Variants in FIG4 observed in about 807,000 individuals in gnomAD.
FIG4 encodes the protein polyphosphoinositide phosphatase.
Under a neutral mutation model 118.6 loss-of-function variants are expected in FIG4, and 112 were observed. The observed-to-expected ratio is 0.94, with a 90% CI of 0.81 to 1.11. The LOEUF is 1.11. Ranked by LOEUF, FIG4 falls within the 50% of genes least tolerant of loss-of-function variation. The pLI is 0.00. For missense variants in FIG4, 969 were observed against 1,111.7 expected (o/e 0.87, Z 1.83); for synonymous variants, 369 against 381.2 (o/e 0.97, Z 0.37).
intron 1 of FIG4, chr6:109,701,781 A>AG (rs1774916507): frequency 2.1e-6 from 1 of 470,946 alleles, no homozygotes; most frequent in Admixed American, 2.4e-5. Flanking sequence ...AATGGGAGAG[A>AG]GCAATATAGG....
chr6:109,809,517 T>C (rs2128400268), intron 22 of FIG4, among the ~76,000 whole-genome samples: 1 of 152,202 alleles, frequency 6.6e-6, no homozygotes, highest in East Asian at 1.9e-4. Context: ...CTTTTAAGAG[T>C]GTGAAGGGAT....
intron 15 of FIG4, among the ~76,000 whole-genome samples, chr6:109,771,856 A>C (rs1242059676): frequency 6.6e-6 from 1 of 152,104 alleles, no homozygotes; most frequent in Non-Finnish European, 1.5e-5. Context: ...TTGTTGCTGT[A>C]CATCATCAGT....
In FIG4 at chr6:109,691,373, C is replaced by G. The variant is rs1334673102; in HGVS notation, c.-63C>G. 7.1e-7 allele frequency: 1 copy of G among 1,399,352 alleles called. No homozygotes were observed. Among genetic ancestry groups the G allele is most frequent in the East Asian group, 2.5e-5 (1 of 40,316 alleles). 86.7% of individuals were successfully genotyped at this position (1,399,352 alleles called of 1,614,324 possible). On this transcript the variant is annotated 5_prime_UTR_variant, in exon 1 of 23. Transcript: ENST00000230124. ...GTCCAGGGCCTGAGGGGTTTTCTCG[C>G]CGAGTCTCCTGGGGCGGTCCGGAGG... is the stretch of plus-strand genomic sequence containing the variant.
chr6:109,810,648 C>A (rs773752767), intron 22 of FIG4, among the ~76,000 whole-genome samples: 2 of 152,202 alleles, frequency 1.3e-5, no homozygotes, highest in Admixed American at 1.3e-4. Context: ...GAATTAAGAT[C>A]CAAACTGTTT....
chr6:109,733,708 A>T (rs1776076636), intron 5 of FIG4, among the ~76,000 whole-genome samples: 1 of 151,912 alleles, frequency 6.6e-6, no homozygotes, highest in Admixed American at 6.6e-5. Context: ...ACTTCCACAC[A>T]CGTTTATTGA....
intron 18 of FIG4, among the ~76,000 whole-genome samples, chr6:109,788,128 G>A (rs1461084907): frequency 1.3e-5 from 2 of 152,170 alleles, no homozygotes; most frequent in Non-Finnish European, 2.9e-5. Context: ...ACAAAGCTAT[G>A]ATGTACAGTA....
At chr6:109,746,115 G>A (rs1450776277) in intron 10 of FIG4, among the ~76,000 whole-genome samples, 7 of 152,064 alleles carry the variant, frequency 4.6e-5, no homozygotes, top group Non-Finnish European at 1.0e-4. Context: ...TCTGATCTTT[G>A]ACAAACCTGA....
chr6:109,705,963 A>G (rs1177734716), intron 1 of FIG4, among the ~76,000 whole-genome samples: 1 of 152,226 alleles, frequency 6.6e-6, no homozygotes, highest in Non-Finnish European at 1.5e-5. Context: ...GTGCTTACCC[A>G]GAAAAGCTGG....
rs1212009657 is a variant in FIG4 at position 109,691,369 on chromosome 6, C to G, written c.-67C>G. On this transcript the variant is annotated 5_prime_UTR_variant, in exon 1 of 23. Transcript: ENST00000230124. ...TGATGTCCAGGGCCTGAGGGGTTTT[C>G]TCGCCGAGTCTCCTGGGGCGGTCCG... The G allele has an allele frequency of 8.8e-6, 12 of 1,361,566 alleles. No homozygotes were observed. The highest frequency in any genetic ancestry group is 1.2e-5 in the Non-Finnish European group (12 of 973,338). The allele number at this position is 1,361,566 out of a possible 1,614,324, so 84.3% of individuals were successfully genotyped here. A position where few individuals can be genotyped will look rare whatever the true frequency, so the allele number is the denominator to read the frequency against.
chr6:109,792,456 A>C (rs1778160946), intron 20 of FIG4, 126 bp from the exon 21 acceptor site: 8 of 642,954 alleles, frequency 1.2e-5, no homozygotes, highest in Non-Finnish European at 1.9e-5. Context: ...TTTAATGAAC[A>C]GGTTAAAGAA....
In FIG4 at chr6:109,825,134, C is replaced by T. The variant is rs750225182; in HGVS notation, c.2593C>T (p.Pro865Ser). 2.5e-6 allele frequency: 4 copies of T among 1,613,814 alleles called. No homozygotes were observed. The highest frequency in any genetic ancestry group is 3.4e-6 in the Non-Finnish European group (4 of 1,179,850). ...FSQDNIYEVQ[P>S]PRVDRKSTEI... ...GCAAGATAACATCTATGAAGTTCAG[C>T]CCCCAAGAGTAGACAGAAAATCTAC... The change falls in exon 23 of 23, where the codon CCC (proline) becomes TCC (serine). Residue 865 changes from proline (P) to serine (S), a missense_variant. Physicochemically the swap from Pro to Ser is moderately conservative, Grantham distance 74 (BLOSUM62 -1). This residue lies in a region of FIG4 where 330 missense variants were observed against 348.1 expected (regional missense o/e 0.95). Transcript: ENST00000230124.
intron 22 of FIG4, among the ~76,000 whole-genome samples, chr6:109,811,941 T>C (rs1562697215): frequency 6.6e-6 from 1 of 152,136 alleles, no homozygotes; most frequent in East Asian, 1.9e-4. Context: ...CAAGCTGATA[T>C]GGTTAGGCTT....
intron 16 of FIG4, among the ~76,000 whole-genome samples, chr6:109,781,425 A>G (rs11153219): frequency 0.13 from 20,275 of 152,038 alleles, 1,731 homozygotes; most frequent in Middle Eastern, 0.21. Flanking sequence ...GTTGAGGTCA[A>G]TGTTCTTCTT....
intron 20 of FIG4, 142 bp downstream of exon 20, chr6:109,791,713 A>G: frequency 1.4e-6 from 1 of 737,232 alleles, no homozygotes; most frequent in African/African-American, 1.7e-5. Context: ...TAAGATGAAT[A>G]CATTTAGCAT....
chr6:109,771,680 G>A (rs1208418081), intron 15 of FIG4, among the ~76,000 whole-genome samples: 1 of 151,930 alleles, frequency 6.6e-6, no homozygotes, highest in Non-Finnish European at 1.5e-5. Flanking sequence ...ATGTTAGCCA[G>A]GACTTCCTCT....
At chr6:109,744,091 G>A (rs1776409440) in intron 10 of FIG4, among the ~76,000 whole-genome samples, 1 of 152,044 alleles carries the variant, frequency 6.6e-6, no homozygotes, top group East Asian at 1.9e-4. Context: ...TTAGTTTCCA[G>A]GACAACTTGG....
At chr6:109,704,257 T>C (rs1774989004) in intron 1 of FIG4, among the ~76,000 whole-genome samples, 1 of 152,230 alleles carries the variant, frequency 6.6e-6, no homozygotes, top group South Asian at 2.1e-4. Flanking sequence ...AGTTTATCTT[T>C]TTCCTCAGGC....
At chr6:109,740,627 G>A (rs887808487) in intron 7 of FIG4, among the ~76,000 whole-genome samples, 8 of 152,024 alleles carry the variant, frequency 5.3e-5, no homozygotes, top group Non-Finnish European at 4.4e-5. Flanking sequence ...GACAAATTTT[G>A]ACTGCTTTTA....
chr6:109,756,342 T>C (rs903037810), intron 10 of FIG4, among the ~76,000 whole-genome samples: 8 of 152,198 alleles, frequency 5.3e-5, no homozygotes, highest in Admixed American at 6.5e-5. Flanking sequence ...GTGGGTAACC[T>C]GACCTTTCTC....
Sources: gnomAD v4.1 joint callset for allele counts (sites outside exome capture counted in the v4.1 genomes callset) on GRCh38, gnomAD v4.1.1 for gene constraint, gnomAD v4.1.1 regional missense constraint, MANE v1.5 for transcripts, NCBI Gene and HGNC (gene_info 2026-07-23, HGNC 2026-07-21) for gene names.